ATL3: variants seen among roughly 807,000 people sequenced by gnomAD.
The protein encoded by ATL3 is atlastin-3.
ATL3 carries 49 observed loss-of-function variants against 69.5 expected under a neutral mutation model. The ratio of observed to expected loss-of-function variants is 0.71; its 90% CI spans 0.56 to 0.89. ATL3 has a LOEUF of 0.89. Among genes scored for constraint, ATL3 ranks in the 40% least tolerant of loss-of-function variants. The pLI, the probability that ATL3 is intolerant of heterozygous loss-of-function variation, is 0.00. For missense variants in ATL3, 606 were observed against 645.7 expected, an observed-to-expected ratio of 0.94 and a Z score of 0.67; for synonymous variants, 214 against 224.1, an observed-to-expected ratio of 0.95 and a Z score of 0.40.
chr11:63,662,212 C>CAAAAAAAAAAAA (rs1228390912), intron 1 of ATL3, among the ~76,000 whole-genome samples: 1 of 84,748 alleles, frequency 1.2e-5, no homozygotes. Flanking sequence ...GACTCTATCT[C>CAAAAAAAAAAAA]AAAAAAAAAA....
At chr11:63,655,413 A>C (rs969171389) in intron 3 of ATL3, among the ~76,000 whole-genome samples, 2 of 150,574 alleles carry the variant, frequency 1.3e-5, no homozygotes, top group Admixed American at 1.3e-4. Flanking sequence ...AGCCTCCCAA[A>C]GTGCTGGGAA....
intron 3 of ATL3, among the ~76,000 whole-genome samples, chr11:63,657,147 C>T (rs1254216350): frequency 6.9e-6 from 1 of 144,830 alleles, no homozygotes; most frequent in Non-Finnish European, 1.5e-5. Flanking sequence ...GAGGCGGAGA[C>T]TGTAGTGACC....
chr11:63,638,598 G>C (rs997048864), intron 8 of ATL3, among the ~76,000 whole-genome samples: 1 of 152,074 alleles, frequency 6.6e-6, no homozygotes, highest in African/African-American at 2.4e-5. Context: ...CCAGCTACTC[G>C]GGAGGATGTG....
intron 1 of ATL3, among the ~76,000 whole-genome samples, chr11:63,661,433 C>T (rs1408469887): frequency 6.6e-6 from 1 of 152,114 alleles, no homozygotes; most frequent in Non-Finnish European, 1.5e-5. Flanking sequence ...CCTACCAAAG[C>T]ACAAAGATAA....
At chr11:63,667,835 G>A (rs567756939) in intron 1 of ATL3, among the ~76,000 whole-genome samples, 1 of 151,682 alleles carries the variant, frequency 6.6e-6, no homozygotes, top group South Asian at 2.1e-4. Flanking sequence ...TATTGACATT[G>A]GAGCTGCACA....
chr11:63,652,370 T>A lies in ATL3; in HGVS notation c.510+101A>T, dbSNP rs551294449. The A allele has an allele frequency of 1.8e-5, 13 of 735,474 alleles. No homozygotes were observed. The South Asian group carries it at 3.6e-4, about 20-fold the overall frequency. The allele number at this position is 735,474 out of a possible 1,614,324, so 45.6% of individuals were successfully genotyped here. A position where few individuals can be genotyped will look rare whatever the true frequency, so the allele number is the denominator to read the frequency against. On this transcript the variant is annotated intron_variant, in intron 4 of 12. Transcript: ENST00000398868. ...ACAGTTTAAAAATAATATTTACATA[T>A]CATCCTAGAAATTCTGTTAACAGAA...
chr11:63,643,568 G>T, intron 7 of ATL3, 73 bp from the exon 8 acceptor site: 2 of 1,424,930 alleles, frequency 1.4e-6, no homozygotes, highest in South Asian at 1.4e-5. Context: ...CTAGTATAAG[G>T]ACAAAGGAAA....
intron 1 of ATL3, among the ~76,000 whole-genome samples, chr11:63,659,909 C>T (rs1185052058): frequency 6.6e-6 from 1 of 152,122 alleles, no homozygotes; most frequent in Non-Finnish European, 1.5e-5. Context: ...TGCACTCCCA[C>T]CTGGGTGACA....
intron 3 of ATL3, among the ~76,000 whole-genome samples, chr11:63,655,698 C>T (rs979566085): frequency 3.9e-5 from 6 of 152,096 alleles, no homozygotes; most frequent in East Asian, 3.9e-4. Context: ...CCACCCACCT[C>T]GGCCTCCCAA....
At chr11:63,645,556 G>GAC (rs1359128727) in intron 6 of ATL3, among the ~76,000 whole-genome samples, 77 of 151,726 alleles carry the variant, frequency 5.1e-4, no homozygotes, top group Non-Finnish European at 6.6e-4. Context: ...GAGAGAGAGA[G>GAC]AGAGAGACAG....
intron 7 of ATL3, 37 bp from the exon 8 acceptor site, chr11:63,643,532 C>A: frequency 6.3e-7 from 1 of 1,584,248 alleles, no homozygotes; most frequent in South Asian, 1.2e-5. Flanking sequence ...AACCAAAAGT[C>A]ATTTGGTTTT....
upstream of ATL3, chr11:63,671,517 A>G (rs1940782549): frequency 1.4e-6 from 2 of 1,438,036 alleles, no homozygotes; most frequent in East Asian, 3.0e-5. Context: ...GCGTGGCCCA[A>G]CGGACAGCCC....
chr11:63,633,779 C>T (rs1196771850), intron 10 of ATL3, among the ~76,000 whole-genome samples: 2 of 150,684 alleles, frequency 1.3e-5, no homozygotes, highest in African/African-American at 4.9e-5. Flanking sequence ...GTAATCCCAG[C>T]ACTTTGGCAC....
intron 10 of ATL3, 93 bp downstream of exon 10, chr11:63,635,441 A>G (rs1939482098): frequency 3.6e-6 from 4 of 1,112,852 alleles, no homozygotes; most frequent in Non-Finnish European, 5.3e-6. Context: ...AAGGAGAAAA[A>G]GTGCATTCTC....
intron 5 of ATL3, among the ~76,000 whole-genome samples, chr11:63,651,065 T>C (rs1483788372): frequency 1.3e-5 from 2 of 152,074 alleles, no homozygotes; most frequent in African/African-American, 2.4e-5. Context: ...GTGGGAGAAG[T>C]AGCATTAGAG....
In ATL3 at chr11:63,629,058, A is replaced by C. The variant is rs1161890382; in HGVS notation, c.*261T>G. ...TCTAGCTTCCTCCTCCATAAAGTGC[A>C]CAAAGCAGAGTAATATGAAAATAGA... On this transcript the variant is annotated 3_prime_UTR_variant, in exon 13 of 13. Coordinates refer to ENST00000398868, the MANE Select transcript of ATL3 (RefSeq NM_015459.5). The C allele has an allele frequency of 2.3e-6, 1 of 433,244 alleles. No individual in the cohort carries two copies. Among genetic ancestry groups the C allele is most frequent in the Admixed American group, 3.6e-5 (1 of 27,902 alleles). 26.8% of individuals were successfully genotyped at this position (433,244 alleles called of 1,614,324 possible). A position where few individuals can be genotyped will look rare whatever the true frequency, so the allele number is the denominator to read the frequency against.
Position 63,626,516 on chromosome 11 carries a change from A to C in ATL3, c.*2803T>G, listed in dbSNP as rs1035606333. On this transcript the variant is annotated 3_prime_UTR_variant, in exon 13 of 13. Coordinates refer to ENST00000398868, the MANE Select transcript of ATL3 (RefSeq NM_015459.5). The stretch of plus-strand genomic sequence containing the variant: ...TGAAAACTCTGATTCTACCATTTTT[A>C]CTATAAGCAGCTCATTGAAATTATT... 3 of 152,252 alleles carry C rather than the reference A, an allele frequency of 2.0e-5. No individual in the cohort carries two copies. The highest frequency in any genetic ancestry group is 6.5e-5 in the Admixed American group (1 of 15,294). 9.4% of individuals were successfully genotyped at this position (152,252 alleles called of 1,614,324 possible).
intron 8 of ATL3, among the ~76,000 whole-genome samples, chr11:63,638,392 TGAAAAGTATTCTC>T (rs1013396036): frequency 1.3e-5 from 2 of 152,034 alleles, no homozygotes; most frequent in African/African-American, 4.8e-5. Context: ...TTGCATCTGA[TGAAAAGTATTCTC>T]AAAAAGCAGC....
Position 63,652,563 on chromosome 11 carries a change from GAAC to G in ATL3, c.415_417del (p.Val139del). 9.3e-6 allele frequency: 15 copies of G among 1,607,534 alleles called. No individual in the cohort carries two copies. Among genetic ancestry groups the G allele is most frequent in the Non-Finnish European group, 1.3e-5 (15 of 1,176,250 alleles). On this transcript the variant is annotated inframe_deletion, in exon 4 of 13. Coordinates refer to ENST00000398868, the MANE Select transcript of ATL3 (RefSeq NM_015459.5). ...TCAAATGCCCCCTGGGTATCCATCA[GAAC>G]AACTGCAACCTAAAAAAAAGGAAAA...
Sources: gnomAD v4.1 joint callset for allele counts (sites outside exome capture counted in the v4.1 genomes callset) on GRCh38, gnomAD v4.1.1 for gene constraint, MANE v1.5 for transcripts, NCBI Gene and HGNC (gene_info 2026-07-23, HGNC 2026-07-21) for gene names.